The following TRAF3IP1 variants were observed in gnomAD, a reference collection of about 807,000 sequenced individuals.
TRAF3IP1 encodes the protein TRAF3-interacting protein 1.
In TRAF3IP1, 53 loss-of-function variants were observed where a neutral mutation model predicts 89.9. The observed-to-expected ratio is 0.59, with a 90% confidence interval of 0.47 to 0.74. TRAF3IP1 has a LOEUF of 0.74. Among genes scored for constraint, TRAF3IP1 ranks in the 30% least tolerant of loss-of-function variants. TRAF3IP1 has a pLI of 0.00. For synonymous variants in TRAF3IP1, 311 were observed against 322.1 expected, an observed-to-expected ratio of 0.97 and a Z score of 0.37; for missense variants, 806 against 866.1, an observed-to-expected ratio of 0.93 and a Z score of 0.87.
intron 15 of TRAF3IP1, among the ~76,000 whole-genome samples, chr2:238,363,826 G>T (rs7575224): frequency 2.8e-4 from 43 of 151,970 alleles, no homozygotes; most frequent in African/African-American, 9.9e-4. Context: ...CGGACATGGT[G>T]GTGTGTGCCT....
In TRAF3IP1 at chr2:238,399,034, T is replaced by G; in HGVS notation, c.*115T>G. ...CTAAGAAAATGAACAGTTTACAATG[T>G]TATTATCCAGCTAATTTTCAGAGCT... On this transcript the variant is annotated 3_prime_UTR_variant, in exon 17 of 17. Coordinates refer to ENST00000373327, the MANE Select transcript of TRAF3IP1 (RefSeq NM_015650.4). 1 of 933,872 alleles carries G rather than the reference T, an allele frequency of 1.1e-6. No individual in the cohort carries two copies. The highest frequency in any genetic ancestry group is 1.5e-6 in the Non-Finnish European group (1 of 646,194). The allele number at this position is 933,872 out of a possible 1,614,324, so 57.8% of individuals were successfully genotyped here.
At chr2:238,346,700 A>C (rs1698909876) in intron 9 of TRAF3IP1, among the ~76,000 whole-genome samples, 1 of 152,100 alleles carries the variant, frequency 6.6e-6, no homozygotes, top group African/African-American at 2.4e-5. Context: ...GTGTTAAACG[A>C]GGCGCTGCAT....
At chr2:238,364,674 TTTTC>T (rs1383045985) in intron 15 of TRAF3IP1, among the ~76,000 whole-genome samples, 1 of 152,104 alleles carries the variant, frequency 6.6e-6, no homozygotes, top group African/African-American at 2.4e-5. Flanking sequence ...TTTAGATGCT[TTTTC>T]TTTTCATTTA....
At chr2:238,342,540 T>C (rs1240578538) in intron 8 of TRAF3IP1, among the ~76,000 whole-genome samples, 1 of 152,234 alleles carries the variant, frequency 6.6e-6, no homozygotes, top group African/African-American at 2.4e-5. Context: ...ATGAAGATAA[T>C]GCATTTATAA....
chr2:238,390,371 CT>C (rs1700944580), intron 15 of TRAF3IP1, among the ~76,000 whole-genome samples: 1 of 152,170 alleles, frequency 6.6e-6, no homozygotes. Context: ...TATTTATATT[CT>C]TAAAATGGAG....
rs988954791 is a variant in TRAF3IP1, at chr2:238,334,082, T to TG, written c.1063+47_1063+48insG. 1.9e-5 allele frequency: 28 copies of TG among 1,445,522 alleles called. No individual in the cohort carries two copies. In the Admixed American group the frequency reaches 2.8e-4, roughly 14 times the overall value. 89.5% of individuals were successfully genotyped at this position (1,445,522 alleles called of 1,614,324 possible). Reference sequence around the variant, plus strand: ...TAGCTGAAAATATGGATATTAGTTTTTTTTTTTTTTGTCTTAATCTCAATG... The same window carrying TG: ...TAGCTGAAAATATGGATATTAGTTTTGTTTTTTTTTTGTCTTAATCTCAATG... On this transcript the variant is annotated intron_variant, in intron 7 of 16. Coordinates refer to ENST00000373327, the MANE Select transcript of TRAF3IP1 (RefSeq NM_015650.4).
At position 238,377,230 on chromosome 2, in the gene TRAF3IP1, C is replaced by CTTTTTTTTT. The variant is rs71402784; in HGVS notation, c.1690-20214_1690-20206dup. On this transcript the variant is annotated intron_variant, in intron 15 of 16. Transcript: ENST00000373327. ...CCTCGTTTCCTTCCTTCCTGATTTT[C>CTTTTTTTTT]TTTTTTTTTTTTTTTTTTTTTTTGA... is the stretch of plus-strand genomic sequence containing the variant. 1.4e-3 allele frequency among the ~76,000 whole-genome samples: 120 copies of CTTTTTTTTT among 86,670 alleles called. 2 individuals are homozygous for CTTTTTTTTT. The highest frequency in any genetic ancestry group is 1.7e-3 in the Non-Finnish European group (81 of 48,844). 56.9% of individuals were successfully genotyped at this position (86,670 alleles called of 152,430 possible).
At chr2:238,393,589 G>A (rs1461365565) in intron 15 of TRAF3IP1, among the ~76,000 whole-genome samples, 17 of 152,272 alleles carry the variant, frequency 1.1e-4, no homozygotes, top group African/African-American at 4.1e-4. Context: ...AGATCCCAAA[G>A]ACTTTTTCCT....
At chr2:238,382,293 A>G (rs1274801155) in intron 15 of TRAF3IP1, among the ~76,000 whole-genome samples, 2 of 152,186 alleles carry the variant, frequency 1.3e-5, no homozygotes, top group Admixed American at 1.3e-4. Context: ...AAAAAGTACC[A>G]ATATGATACT....
At chr2:238,380,787 T>C (rs528189285) in intron 15 of TRAF3IP1, among the ~76,000 whole-genome samples, 1 of 152,304 alleles carries the variant, frequency 6.6e-6, no homozygotes, top group South Asian at 2.1e-4. Context: ...GAAACACTGT[T>C]GTAAAGTGAT....
At position 238,347,450 on chromosome 2, in the gene TRAF3IP1, T is replaced by C. The variant is rs1474451254; in HGVS notation, c.1262-5T>C. 6.2e-7 allele frequency: 1 copy of C among 1,614,148 alleles called. No individual in the cohort carries two copies. ...AGCTAATTTTCTGATGTGCTTTTTC[T>C]TTAGGTGACTCCACCAGTGATGCAG... On this transcript the variant is annotated splice_polypyrimidine_tract_variant and splice_region_variant and intron_variant, in intron 9 of 16. Transcript: ENST00000373327.
In TRAF3IP1 at chr2:238,384,337, GATGTATGT is replaced by G. The variant is rs61001806; in HGVS notation, c.1690-13083_1690-13076del. ...TTTCTAATCTGTCCAGAATCAACCT[GATGTATGT>G]ATGTATGTATGTATGTATGTATGTA... On this transcript the variant is annotated intron_variant, in intron 15 of 16. Transcript: ENST00000373327. 8.2e-4 allele frequency among the ~76,000 whole-genome samples: 115 copies of G among 139,730 alleles called. 1 individual carries two copies. Among genetic ancestry groups the G allele is most frequent in the East Asian group, 7.0e-3 (34 of 4,876 alleles). The allele number at this position is 139,730 out of a possible 152,430, so 91.7% of individuals were successfully genotyped here. A position where few individuals can be genotyped will look rare whatever the true frequency, so the allele number is the denominator to read the frequency against.
chr2:238,354,745 G>A (rs1699331893), intron 14 of TRAF3IP1, among the ~76,000 whole-genome samples: 1 of 152,062 alleles, frequency 6.6e-6, no homozygotes, highest in African/African-American at 2.4e-5. Flanking sequence ...CTGCCTCCCG[G>A]GGTCAAAAGA....
chr2:238,362,277 C>T (rs746545845), intron 15 of TRAF3IP1, among the ~76,000 whole-genome samples: 3 of 151,848 alleles, frequency 2.0e-5, no homozygotes, highest in Admixed American at 6.6e-5. Flanking sequence ...AGTCAGCTTC[C>T]TTAGTGGTTA....
chr2:238,344,558 G>T lies in TRAF3IP1; in HGVS notation c.1221G>T (p.Arg407=), dbSNP rs905312851. Residue 407 remains arginine (R), a synonymous_variant, in exon 9 of 17, where the codon CGG becomes CGT. Transcript: ENST00000373327. The stretch of plus-strand genomic sequence containing the variant: ...CAGATGATAATTCAGCTAGTCTGCG[G>T]TGTGAGAATATTCAGCCCAACCCCA... ...SISDDNSASL[R]CENIQPNPTE... 1.2e-6 allele frequency: 2 copies of T among 1,614,064 alleles called. No individual in the cohort carries two copies.
chr2:238,388,835 C>T (rs1356213910), intron 15 of TRAF3IP1, among the ~76,000 whole-genome samples: 1 of 152,030 alleles, frequency 6.6e-6, no homozygotes, highest in Non-Finnish European at 1.5e-5. Flanking sequence ...AGTTTCACCA[C>T]GTTGTCCAGG....
chr2:238,340,852 G>T (rs62196667), intron 8 of TRAF3IP1, among the ~76,000 whole-genome samples: 9,467 of 83,236 alleles, frequency 0.11, 343 homozygotes, highest in Non-Finnish European at 0.14. Flanking sequence ...TATATAGAGA[G>T]AGAGAGACAG....
rs968016826 is a variant in TRAF3IP1 at position 238,379,979 on chromosome 2, T to G, written c.1690-17480T>G. 2.0e-5 allele frequency among the ~76,000 whole-genome samples: 3 copies of G among 152,224 alleles called. No homozygotes were observed. The highest frequency in any genetic ancestry group is 2.9e-5 in the Non-Finnish European group (2 of 68,040). Reference sequence around the variant, plus strand: ...GAGAAAGACAATTTTAAAGTCCATTTTAAAACTTAGATTCTTTTGCTGCTG... The same window carrying G: ...GAGAAAGACAATTTTAAAGTCCATTGTAAAACTTAGATTCTTTTGCTGCTG... On this transcript the variant is annotated intron_variant, in intron 15 of 16. Coordinates refer to ENST00000373327, the MANE Select transcript of TRAF3IP1 (RefSeq NM_015650.4). This position sits in a 1 kb window ranked among gnomAD's most constrained non-coding sequence, Gnocchi z 4.0.
At chr2:238,354,497 A>G (rs1019400200) in intron 14 of TRAF3IP1, among the ~76,000 whole-genome samples, 3 of 152,184 alleles carry the variant, frequency 2.0e-5, no homozygotes, top group African/African-American at 7.2e-5. Context: ...CTCATGCCAA[A>G]AAGCCTGGCT....
Sources: gnomAD v4.1 joint callset for allele counts (sites outside exome capture counted in the v4.1 genomes callset) on GRCh38, gnomAD v4.1.1 for gene constraint, Gnocchi (gnomAD v3.1) non-coding constraint, MANE v1.5 for transcripts, NCBI Gene and HGNC (gene_info 2026-07-23, HGNC 2026-07-21) for gene names.